MEIKIN: variants seen among roughly 807,000 people sequenced by gnomAD.
MEIKIN encodes the protein meiotic kinetochore factor.
At chr5:131,868,545 T>C (rs1308285388) in intron 9 of MEIKIN, among the ~76,000 whole-genome samples, 2 of 151,924 alleles carry the variant, frequency 1.3e-5, no homozygotes, top group Non-Finnish European at 2.9e-5. Context: ...TTCTTGAGGG[T>C]TTTTGTTTGG....
chr5:131,826,461 T>C (rs984698232), intron 11 of MEIKIN, among the ~76,000 whole-genome samples: 4 of 152,290 alleles, frequency 2.6e-5, no homozygotes, highest in Non-Finnish European at 5.9e-5. Flanking sequence ...GTAAGGTCCT[T>C]ATATTTTTTG....
intron 9 of MEIKIN, among the ~76,000 whole-genome samples, chr5:131,862,230 T>C (rs755709070): frequency 3.3e-5 from 5 of 152,130 alleles, no homozygotes; most frequent in Admixed American, 6.5e-5. Context: ...TTCTAGTTAG[T>C]ATATAGTTAT....
At chr5:131,875,496 G>T (rs911528723) in intron 9 of MEIKIN, among the ~76,000 whole-genome samples, 2 of 151,698 alleles carry the variant, frequency 1.3e-5, no homozygotes, top group Admixed American at 1.3e-4. Flanking sequence ...AATAAAAGAG[G>T]ATACAAACAA....
chr5:131,818,352 CAA>C (rs1483401484), intron 12 of MEIKIN, among the ~76,000 whole-genome samples: 10 of 152,098 alleles, frequency 6.6e-5, no homozygotes, highest in African/African-American at 2.4e-4. Flanking sequence ...GCTAATTTTT[CAA>C]AAGATAAAGT....
At chr5:131,843,426 A>C (rs1439619328) in intron 11 of MEIKIN, among the ~76,000 whole-genome samples, 1 of 152,208 alleles carries the variant, frequency 6.6e-6, no homozygotes, top group East Asian at 1.9e-4. Context: ...TTTTAAATGT[A>C]AGTTCCAATT....
At chr5:131,880,815 G>A (rs1323921963) in intron 8 of MEIKIN, among the ~76,000 whole-genome samples, 1 of 152,118 alleles carries the variant, frequency 6.6e-6, no homozygotes, top group Non-Finnish European at 1.5e-5. Context: ...TAATAGGGTT[G>A]CCAGATAAAA....
intron 12 of MEIKIN, among the ~76,000 whole-genome samples, chr5:131,809,437 C>T (rs1442842425): frequency 6.6e-6 from 1 of 152,216 alleles, no homozygotes; most frequent in African/African-American, 2.4e-5. Flanking sequence ...ATATTCTTTA[C>T]ATGAGGTGGC....
intron 9 of MEIKIN, among the ~76,000 whole-genome samples, chr5:131,858,799 T>C (rs1257988929): frequency 2.0e-5 from 3 of 152,098 alleles, no homozygotes; most frequent in East Asian, 1.9e-4. Flanking sequence ...AAAGAAGATA[T>C]ATGCACAGCC....
At chr5:131,897,167 T>A (rs978157728) in intron 8 of MEIKIN, among the ~76,000 whole-genome samples, 1 of 152,348 alleles carries the variant, frequency 6.6e-6, no homozygotes, top group South Asian at 2.1e-4. Context: ...GATATGAAAT[T>A]CTGGGTTGAA....
intron 11 of MEIKIN, among the ~76,000 whole-genome samples, chr5:131,845,534 A>T (rs752882730): frequency 6.6e-6 from 1 of 151,682 alleles, no homozygotes; most frequent in Admixed American, 6.6e-5. Flanking sequence ...GAACTAAAGG[A>T]AGATGTGAAA....
chr5:131,926,294 C>T (rs766147177), intron 5 of MEIKIN, among the ~76,000 whole-genome samples: 6 of 152,106 alleles, frequency 3.9e-5, no homozygotes, highest in African/African-American at 1.4e-4. Flanking sequence ...CTGAAATTAT[C>T]GTGTAATTGT....
chr5:131,839,128 A>G (rs1749861514), intron 11 of MEIKIN, among the ~76,000 whole-genome samples: 1 of 152,154 alleles, frequency 6.6e-6, no homozygotes, highest in South Asian at 2.1e-4. Flanking sequence ...TCATTCAGGA[A>G]CAGGTTATTC....
intron 8 of MEIKIN, among the ~76,000 whole-genome samples, chr5:131,892,409 C>T (rs1000325631): frequency 2.0e-5 from 3 of 152,170 alleles, no homozygotes; most frequent in Non-Finnish European, 4.4e-5. Flanking sequence ...AGGCTTTGTT[C>T]GTTTCTTTTT....
At chr5:131,858,982 A>C (rs1750239398) in intron 9 of MEIKIN, among the ~76,000 whole-genome samples, 1 of 152,246 alleles carries the variant, frequency 6.6e-6, no homozygotes, top group Admixed American at 6.5e-5. Context: ...TGGTGGGAAT[A>C]TAAATTAGTT....
chr5:131,847,162 A>G, intron 11 of MEIKIN, among the ~76,000 whole-genome samples: 1 of 152,192 alleles, frequency 6.6e-6, no homozygotes, highest in South Asian at 2.1e-4. Flanking sequence ...AGATAAAGGC[A>G]TATAGAGAAC....
intron 11 of MEIKIN, among the ~76,000 whole-genome samples, chr5:131,819,740 T>C (rs1749452581): frequency 6.8e-6 from 1 of 146,590 alleles, no homozygotes; most frequent in South Asian, 2.2e-4. Context: ...GCTGAAACTA[T>C]AGGCATGCAC....
At chr5:131,934,251 G>A (rs1032170518) in intron 4 of MEIKIN, among the ~76,000 whole-genome samples, 6 of 151,852 alleles carry the variant, frequency 4.0e-5, no homozygotes, top group South Asian at 4.2e-4. Flanking sequence ...GTGAGCCACC[G>A]TGCCCAGCCA....
At chr5:131,813,250 T>C (rs2149600766) in intron 12 of MEIKIN, among the ~76,000 whole-genome samples, 1 of 152,314 alleles carries the variant, frequency 6.6e-6, no homozygotes, top group South Asian at 2.1e-4. Flanking sequence ...TTACAAATGG[T>C]TCTCTATGAT....
At chr5:131,839,585 T>G (rs1369168867) in intron 11 of MEIKIN, among the ~76,000 whole-genome samples, 2 of 152,246 alleles carry the variant, frequency 1.3e-5, no homozygotes, top group Admixed American at 6.5e-5. Context: ...CTTGTTGAAT[T>G]GAACCATTTA....
Sources: gnomAD v4.1 joint callset for allele counts (sites outside exome capture counted in the v4.1 genomes callset) on GRCh38, gnomAD v4.1.1 for gene constraint, MANE v1.5 for transcripts, NCBI Gene and HGNC (gene_info 2026-07-23, HGNC 2026-07-21) for gene names.